Variants in CCNB3 observed in about 807,000 individuals in gnomAD.
CCNB3 encodes cyclin B3, also known as G2/mitotic-specific cyclin-B3.
CCNB3 carries 12 observed loss-of-function variants against 68.0 expected under a neutral mutation model. The ratio of observed to expected loss-of-function variants is 0.18; its 90% CI spans 0.11 to 0.29. CCNB3 has a LOEUF of 0.29. Ranked by LOEUF, CCNB3 falls within the 10% of genes least tolerant of loss-of-function variation. The pLI is 1.00. For synonymous variants in CCNB3, 354 were observed against 388.9 expected (o/e 0.91, Z 1.06); for missense variants, 904 against 993.1 (o/e 0.91, Z 1.21).
In CCNB3 at chrX:50,310,059, G is replaced by A. The variant is rs782245583; in HGVS notation, c.1890G>A (p.Thr630=). Residue 630 remains threonine (T), a synonymous_variant, in exon 6 of 13, where the codon ACG becomes ACA. Coordinates refer to ENST00000376042, the MANE Select transcript of CCNB3 (RefSeq NM_033031.3). ...KLLPFKMKST[T]EEKFLSQEPS... is the part of the protein sequence containing the mutation. Reference sequence around the variant, plus strand: ...TGCCCTTTAAGATGAAATCTACAACGGAAGAAAAGTTCCTCTCCCAGGAAC... The same window carrying A: ...TGCCCTTTAAGATGAAATCTACAACAGAAGAAAAGTTCCTCTCCCAGGAAC... 72 of 1,207,086 alleles carry A rather than the reference G, an allele frequency of 6.0e-5. No homozygotes were observed. In the South Asian group the frequency reaches 1.1e-3, roughly 18 times the overall value.
intron 8 of CCNB3, among the ~76,000 whole-genome samples, chrX:50,320,121 G>A (rs149652159): frequency 0.014 from 1,542 of 110,725 alleles, 12 homozygotes; most frequent in Non-Finnish European, 0.021. Context: ...TCTGGTATCA[G>A]AATAATAGTG....
chrX:50,209,028 C>T (rs79122515), intron 1 of CCNB3, among the ~76,000 whole-genome samples: 2 of 111,415 alleles, frequency 1.8e-5, no homozygotes, highest in Admixed American at 1.9e-4. Flanking sequence ...TGTGTAGAGT[C>T]GTTCATTGTA....
intron 5 of CCNB3, among the ~76,000 whole-genome samples, chrX:50,308,209 A>G (rs1281009828): frequency 8.9e-6 from 1 of 112,406 alleles, no homozygotes; most frequent in African/African-American, 3.2e-5. Context: ...ATACAATGTG[A>G]TAAGTATTAT....
intron 8 of CCNB3, among the ~76,000 whole-genome samples, chrX:50,330,307 C>T (rs1273789833): frequency 1.8e-5 from 2 of 111,631 alleles, no homozygotes; most frequent in East Asian, 2.8e-4. Context: ...ATAATATAAC[C>T]GTTTAGGTCA....
At position 50,310,595 on chromosome X, in the gene CCNB3, G is replaced by A. The variant is rs1246077293; in HGVS notation, c.2426G>A (p.Ser809Asn). ...CTTTTGGCCATGCAGGAGGAGCCCA[G>A]CATTGAGAAGGAAGCTGTCCTCAAG... ...KKLLAMQEEP[S>N]IEKEAVLKEP... The change falls in exon 6 of 13, where the codon AGC becomes AAC. Residue 809 changes from serine (S) to asparagine (N), a missense_variant. Coordinates refer to ENST00000376042, the MANE Select transcript of CCNB3 (RefSeq NM_033031.3). 2 of 1,211,621 alleles carry A rather than the reference G, an allele frequency of 1.7e-6. No homozygotes were observed. The highest frequency in any genetic ancestry group is 2.2e-5 in the Admixed American group (1 of 45,993).
At chrX:50,297,695 G>A (rs1204842180) in intron 5 of CCNB3, among the ~76,000 whole-genome samples, 2 of 111,598 alleles carry the variant, frequency 1.8e-5, no homozygotes, top group Admixed American at 1.9e-4. Flanking sequence ...GATGGGGATG[G>A]CATTGAATCT....
At chrX:50,298,983 C>T (rs1936553993) in intron 5 of CCNB3, among the ~76,000 whole-genome samples, 1 of 111,527 alleles carries the variant, frequency 9.0e-6, no homozygotes, top group Non-Finnish European at 1.9e-5. Flanking sequence ...GTGATATCCC[C>T]TTTGTCATTT....
chrX:50,346,201 C>A (rs186765782), intron 9 of CCNB3, among the ~76,000 whole-genome samples: 1 of 112,208 alleles, frequency 8.9e-6, no homozygotes, highest in Non-Finnish European at 1.9e-5. Context: ...CTGTATTGCC[C>A]TCCTCAAACA....
Position 50,351,670 on chromosome X carries a change from CTG to C in CCNB3, c.4158_4159del (p.Cys1386Ter). ...TGTTGAAGCTGGAGGAGATTTTGAACTGTGATTGTGAGGCTCAGGGCCTGGTA... is the reference window on the plus strand; with the variant it reads ...TGTTGAAGCTGGAGGAGATTTTGAACTGATTGTGAGGCTCAGGGCCTGGTA... Reference protein sequence around the residue: ...DMLKLEEILNCDCEAQGLVL With the variant: ...DMLKLEEILNXDCEAQGLVL On this transcript the variant is annotated frameshift_variant, in exon 13 of 13. Transcript: ENST00000376042. LOFTEE classifies it low-confidence loss of function (END_TRUNC). The C allele has an allele frequency of 8.3e-7, 1 of 1,211,409 alleles. No homozygotes were observed. The highest frequency in any genetic ancestry group is 3.0e-5 in the East Asian group (1 of 33,824).
intron 1 of CCNB3, among the ~76,000 whole-genome samples, chrX:50,279,533 A>G (rs1936050414): frequency 1.2e-5 from 1 of 84,447 alleles, no homozygotes; most frequent in Non-Finnish European, 2.2e-5. Context: ...AGATATATGA[A>G]TATATATTCA....
chrX:50,208,348 C>G (rs1331025941), intron 1 of CCNB3, among the ~76,000 whole-genome samples: 1 of 112,293 alleles, frequency 8.9e-6, no homozygotes, highest in Non-Finnish European at 1.9e-5. Flanking sequence ...ATTCTTAGGT[C>G]TGATATGTTA....
intron 1 of CCNB3, among the ~76,000 whole-genome samples, chrX:50,280,031 A>T (rs1300643540): frequency 1.2e-5 from 1 of 84,439 alleles, no homozygotes; most frequent in African/African-American, 4.7e-5. Flanking sequence ...AATATATATA[A>T]ATATATAGAC....
chrX:50,303,364 T>C (rs1936692583), intron 5 of CCNB3, among the ~76,000 whole-genome samples: 1 of 110,605 alleles, frequency 9.0e-6, no homozygotes, highest in Non-Finnish European at 1.9e-5. Flanking sequence ...CAGGCTGGTC[T>C]CAAACTCCTG....
intron 1 of CCNB3, among the ~76,000 whole-genome samples, chrX:50,228,114 T>G (rs1298632102): frequency 1.1e-5 from 1 of 89,779 alleles, no homozygotes; most frequent in African/African-American, 4.1e-5. Context: ...AGAGAATATA[T>G]AAATAATATA....
intron 6 of CCNB3, 78 bp from the exon 7 acceptor site, chrX:50,312,459 A>T (rs1481357142): frequency 1.3e-6 from 1 of 782,378 alleles, no homozygotes; most frequent in African/African-American, 2.1e-5. Flanking sequence ...GGGAGAAAGG[A>T]GTAATCATTG....
chrX:50,300,921 G>A (rs1224211900), intron 5 of CCNB3, among the ~76,000 whole-genome samples: 5 of 111,393 alleles, frequency 4.5e-5, no homozygotes, highest in African/African-American at 1.3e-4. Flanking sequence ...CCAGTTGATC[G>A]CCTTGTTTAC....
chrX:50,349,015 G>A (rs782065030), intron 11 of CCNB3, among the ~76,000 whole-genome samples: 1 of 112,900 alleles, frequency 8.9e-6, no homozygotes, highest in Non-Finnish European at 1.9e-5. Context: ...CTAAACCAGG[G>A]CATATCAGCT....
intron 8 of CCNB3, among the ~76,000 whole-genome samples, chrX:50,321,229 A>T (rs1388794936): frequency 9.0e-6 from 1 of 111,627 alleles, no homozygotes; most frequent in Non-Finnish European, 1.9e-5. Flanking sequence ...TAATCTTATC[A>T]ACAAAAGAAG....
intron 1 of CCNB3, among the ~76,000 whole-genome samples, chrX:50,215,178 A>G (rs1247689175): frequency 2.8e-5 from 3 of 108,772 alleles, no homozygotes; most frequent in Non-Finnish European, 5.7e-5. Context: ...TTTAGTAGAG[A>G]CAGCGTTACA....
Sources: gnomAD v4.1 joint callset for allele counts (sites outside exome capture counted in the v4.1 genomes callset) on GRCh38, gnomAD v4.1.1 for gene constraint, MANE v1.5 for transcripts, NCBI Gene and HGNC (gene_info 2026-07-23, HGNC 2026-07-21) for gene names.